Variants in ASTN2 observed in about 807,000 individuals in gnomAD.
ASTN2 encodes the protein astrotactin-2.
ASTN2 carries 54 observed loss-of-function variants against 139.8 expected under a neutral mutation model. The ratio of observed to expected loss-of-function variants is 0.39; its 90% CI spans 0.31 to 0.48. The LOEUF is 0.48. Ranked by LOEUF, ASTN2 falls within the 20% of genes least tolerant of loss-of-function variation. ASTN2 has a pLI of 0.95. For synonymous variants in ASTN2, 756 were observed against 719.5 expected (o/e 1.05, Z -0.81); for missense variants, 1,565 against 1,725.1 (o/e 0.91, Z 1.64).
intron 16 of ASTN2, chr9:116,686,571 C>A: frequency 3.1e-6 from 3 of 973,416 alleles, no homozygotes; most frequent in Admixed American, 2.1e-5. Flanking sequence ...CTGTATCAGA[C>A]CTCGTCCTTG....
chr9:116,968,556 A>G (rs147415838), intron 10 of ASTN2, among the ~76,000 whole-genome samples: 2 of 152,140 alleles, frequency 1.3e-5, no homozygotes, highest in Non-Finnish European at 2.9e-5. Context: ...CTCTCCCTTC[A>G]TCAACTGCCA....
At chr9:116,944,082 G>A (rs949628406) in intron 10 of ASTN2, among the ~76,000 whole-genome samples, 5 of 151,750 alleles carry the variant, frequency 3.3e-5, no homozygotes, top group Admixed American at 1.3e-4. Context: ...ATATGAGCTC[G>A]TCTCATTTTT....
intron 5 of ASTN2, among the ~76,000 whole-genome samples, chr9:117,045,450 T>C (rs1253651948): frequency 6.6e-6 from 1 of 152,084 alleles, no homozygotes; most frequent in African/African-American, 2.4e-5. Context: ...GCATATTGAT[T>C]GCTGGGACTG....
At chr9:116,833,615 A>C (rs1444614102) in intron 11 of ASTN2, among the ~76,000 whole-genome samples, 2 of 152,020 alleles carry the variant, frequency 1.3e-5, no homozygotes, top group Non-Finnish European at 2.9e-5. Flanking sequence ...AACTTGATAC[A>C]TTGTATTTTT....
chr9:117,043,296 G>T (rs1838634214), intron 5 of ASTN2, among the ~76,000 whole-genome samples: 1 of 152,182 alleles, frequency 6.6e-6, no homozygotes, highest in Admixed American at 6.5e-5. Context: ...GTGAAAGGTA[G>T]TGAGAGGCCC....
intron 1 of ASTN2, among the ~76,000 whole-genome samples, chr9:117,305,677 A>G (rs1207619804): frequency 6.6e-6 from 1 of 152,262 alleles, no homozygotes; most frequent in Non-Finnish European, 1.5e-5. Context: ...GTACCTAGAC[A>G]GTGCCTGGTA....
chr9:116,501,155 C>A (rs897823453), intron 19 of ASTN2, among the ~76,000 whole-genome samples: 1 of 152,136 alleles, frequency 6.6e-6, no homozygotes, highest in Non-Finnish European at 1.5e-5. Flanking sequence ...AGCTCCAAAC[C>A]CAAGTCTGAC....
intron 10 of ASTN2, among the ~76,000 whole-genome samples, chr9:116,893,298 T>C (rs1449859701): frequency 1.3e-5 from 2 of 152,188 alleles, no homozygotes; most frequent in African/African-American, 4.8e-5. Context: ...CACATTATTT[T>C]CATGGCTATT....
chr9:116,704,265 T>C (rs1827931656), intron 16 of ASTN2, among the ~76,000 whole-genome samples: 1 of 152,228 alleles, frequency 6.6e-6, no homozygotes, highest in African/African-American at 2.4e-5. Context: ...AATGGAATTG[T>C]TGAGTTCCCC....
At chr9:117,341,339 A>G (rs1311647936) in intron 1 of ASTN2, among the ~76,000 whole-genome samples, 1 of 152,146 alleles carries the variant, frequency 6.6e-6, no homozygotes, top group Non-Finnish European at 1.5e-5. Context: ...AAGCATTTTT[A>G]CACACAAGAG....
rs146005198 is a variant in ASTN2, at chr9:117,188,038, C to T, written c.1015+26320G>A. On this transcript the variant is annotated intron_variant, in intron 3 of 22. Transcript: ENST00000313400. ...GTAATTATTTGCTGGGGTTGGGGGG[C>T]GGTCCTGTGCATTGTAGAATGTTAA... is the stretch of plus-strand genomic sequence containing the variant. 8.7e-3 allele frequency among the ~76,000 whole-genome samples: 1,316 copies of T among 151,944 alleles called. 24 individuals are homozygous for T. Among genetic ancestry groups the T allele is most frequent in the African/African-American group, 0.029 (1,221 of 41,412 alleles).
At chr9:117,382,865 C>A (rs995469255) in intron 1 of ASTN2, among the ~76,000 whole-genome samples, 14 of 152,082 alleles carry the variant, frequency 9.2e-5, no homozygotes, top group African/African-American at 3.4e-4. Context: ...CACGTGTGAA[C>A]CATCCATATA....
intron 16 of ASTN2, among the ~76,000 whole-genome samples, chr9:116,719,000 A>ATATATATATATATATATATGT (rs1564230257): frequency 7.0e-6 from 1 of 143,216 alleles, no homozygotes; most frequent in African/African-American, 2.6e-5. Flanking sequence ...ATCTGCCTAT[A>ATATATATATATATATATATGT]AGTCTCTCGC....
intron 3 of ASTN2, among the ~76,000 whole-genome samples, chr9:117,145,811 C>A (rs1313092465): frequency 6.6e-6 from 1 of 152,124 alleles, no homozygotes; most frequent in African/African-American, 2.4e-5. Flanking sequence ...ATATATCATT[C>A]AGCTTCCCTC....
At chr9:116,445,666 T>C (rs1847965595) in intron 20 of ASTN2, among the ~76,000 whole-genome samples, 1 of 152,214 alleles carries the variant, frequency 6.6e-6, no homozygotes, top group Non-Finnish European at 1.5e-5. Flanking sequence ...CTCCAATTGC[T>C]GGCTGAATAT....
chr9:116,771,341 G>A (rs1251052596), intron 13 of ASTN2, among the ~76,000 whole-genome samples: 1 of 152,084 alleles, frequency 6.6e-6, no homozygotes, highest in African/African-American at 2.4e-5. Flanking sequence ...TGTCAGTGGA[G>A]GATAGTGAAT....
chr9:116,912,226 A>T (rs1387264644), intron 10 of ASTN2, among the ~76,000 whole-genome samples: 1 of 152,254 alleles, frequency 6.6e-6, no homozygotes, highest in Non-Finnish European at 1.5e-5. Flanking sequence ...GCTGAACCTT[A>T]GTTCCCCTAT....
intron 6 of ASTN2, among the ~76,000 whole-genome samples, chr9:117,019,790 A>G (rs1837819950): frequency 6.6e-6 from 1 of 152,028 alleles, no homozygotes; most frequent in Admixed American, 6.6e-5. Flanking sequence ...CTTGCCATTT[A>G]CCACCTGAAG....
At chr9:117,302,919 A>T (rs1207710182) in intron 1 of ASTN2, among the ~76,000 whole-genome samples, 4 of 152,194 alleles carry the variant, frequency 2.6e-5, no homozygotes, top group South Asian at 2.1e-4. Context: ...ATCATGGTCC[A>T]CTAGCCCCAA....
Sources: gnomAD v4.1 joint callset for allele counts (sites outside exome capture counted in the v4.1 genomes callset) on GRCh38, gnomAD v4.1.1 for gene constraint, MANE v1.5 for transcripts, NCBI Gene and HGNC (gene_info 2026-07-23, HGNC 2026-07-21) for gene names.